Variants in DIAPH2 observed in about 807,000 individuals in gnomAD.
DIAPH2 encodes diaphanous related formin 2.
A neutral mutation model predicts 92.7 loss-of-function variants in DIAPH2; 35 were observed. The ratio of observed to expected loss-of-function variants is 0.38; its 90% CI spans 0.29 to 0.50. DIAPH2 has a LOEUF of 0.50. Ranked by LOEUF, DIAPH2 falls within the 20% of genes least tolerant of loss-of-function variation. DIAPH2 has a pLI of 0.94. For missense variants in DIAPH2, 701 were observed against 819.5 expected (o/e 0.86, Z 1.77); for synonymous variants, 301 against 280.4 (o/e 1.07, Z -0.73).
intron 23 of DIAPH2, among the ~76,000 whole-genome samples, chrX:97,306,579 C>T (rs11092147): frequency 0.42 from 46,086 of 110,670 alleles, 8,123 homozygotes; most frequent in Non-Finnish European, 0.56. Flanking sequence ...CCAATACTGC[C>T]AGGTATCCTG....
At chrX:96,737,088 CTTAAG>C (rs1189148917) in intron 2 of DIAPH2, among the ~76,000 whole-genome samples, 1 of 111,681 alleles carries the variant, frequency 9.0e-6, no homozygotes, top group East Asian at 2.8e-4. Context: ...AGAAATGAAT[CTTAAG>C]TTAATGTGAA....
intron 21 of DIAPH2, among the ~76,000 whole-genome samples, chrX:97,121,982 T>C (rs2067061634): frequency 8.9e-6 from 1 of 111,929 alleles, no homozygotes; most frequent in African/African-American, 3.2e-5. Context: ...TTATATAATT[T>C]GTCCAAGATT....
At chrX:97,081,254 TA>T (rs869119860) in intron 19 of DIAPH2, among the ~76,000 whole-genome samples, 1 of 111,715 alleles carries the variant, frequency 9.0e-6, no homozygotes, top group Non-Finnish European at 1.9e-5. Flanking sequence ...AATAGGTGAT[TA>T]AAAATTTTTT....
chrX:97,539,946 C>A (rs778304609), intron 26 of DIAPH2, among the ~76,000 whole-genome samples: 37 of 111,490 alleles, frequency 3.3e-4, no homozygotes, highest in Middle Eastern at 4.7e-3. Context: ...TGCATGTTTA[C>A]CCCATTATAG....
chrX:97,010,610 T>A (rs1169833046), intron 17 of DIAPH2, among the ~76,000 whole-genome samples: 1 of 111,815 alleles, frequency 8.9e-6, no homozygotes, highest in Non-Finnish European at 1.9e-5. Flanking sequence ...AATTAAGAAG[T>A]AGAAGAGAAG....
At chrX:96,884,994 C>G in intron 5 of DIAPH2, 2 of 1,210,054 alleles carry the variant, frequency 1.7e-6, no homozygotes, top group Admixed American at 4.4e-5. Flanking sequence ...CTCAGCTCTG[C>G]GACCTTAGCG....
chrX:96,901,693 C>T (rs1436511060), intron 5 of DIAPH2, among the ~76,000 whole-genome samples: 1 of 108,204 alleles, frequency 9.2e-6, no homozygotes, highest in African/African-American at 3.4e-5. Context: ...CACCACCATG[C>T]CCAACTAATT....
At chrX:97,392,048 G>A (rs1238461421) in intron 25 of DIAPH2, among the ~76,000 whole-genome samples, 1 of 111,861 alleles carries the variant, frequency 8.9e-6, no homozygotes, top group Non-Finnish European at 1.9e-5. Flanking sequence ...AAATATTAAA[G>A]AGACAGGCAT....
intron 23 of DIAPH2, among the ~76,000 whole-genome samples, chrX:97,287,163 G>C (rs2068549863): frequency 9.0e-6 from 1 of 111,242 alleles, no homozygotes; most frequent in African/African-American, 3.3e-5. Context: ...ACAAAAATTA[G>C]CTGGGTGTGG....
chrX:96,735,747 G>T lies in DIAPH2; in HGVS notation c.133-11G>T, dbSNP rs1163330236. On this transcript the variant is annotated splice_polypyrimidine_tract_variant and intron_variant, in intron 1 of 26. Transcript: ENST00000324765. ...GGGTTTTTTTTGTTTGTTTCTTTTT[G>T]GTTTTAATAGAACATTCAAATAAAA... 5.8e-6 allele frequency: 6 copies of T among 1,038,283 alleles called. No individual in the cohort carries two copies. The highest frequency in any genetic ancestry group is 7.8e-6 in the Non-Finnish European group (6 of 764,715). 85.6% of individuals were successfully genotyped at this position (1,038,283 alleles called of 1,213,427 possible).
intron 25 of DIAPH2, among the ~76,000 whole-genome samples, chrX:97,394,500 C>G (rs778390851): frequency 1.8e-4 from 20 of 111,222 alleles, no homozygotes; most frequent in Non-Finnish European, 3.8e-4. Flanking sequence ...TCTCTTTGTT[C>G]TCTAGATTTG....
chrX:96,790,768 C>T (rs1251421059), intron 4 of DIAPH2, among the ~76,000 whole-genome samples: 1 of 111,393 alleles, frequency 9.0e-6, no homozygotes, highest in African/African-American at 3.3e-5. Context: ...TGACAGCTAA[C>T]AGGAGAAGGA....
At chrX:97,063,217 G>A (rs12014545) in intron 17 of DIAPH2, among the ~76,000 whole-genome samples, 4 of 111,164 alleles carry the variant, frequency 3.6e-5, no homozygotes, top group Non-Finnish European at 7.5e-5. Flanking sequence ...GGAAAACAGG[G>A]ACAGTCTAAC....
chrX:97,415,919 G>A (rs1422518946), intron 25 of DIAPH2, among the ~76,000 whole-genome samples: 3 of 111,591 alleles, frequency 2.7e-5, no homozygotes, highest in Non-Finnish European at 5.7e-5. Context: ...TAGAAGCTTT[G>A]AAACTGAGAT....
Position 96,925,833 on chromosome X carries a change from A to T in DIAPH2, c.979-4900A>T, listed in dbSNP as rs762620971. Among the ~76,000 whole-genome samples the T allele has an allele frequency of 1.8e-4, 20 of 111,381 alleles. No individual in the cohort carries two copies. The East Asian group carries it at 5.4e-3, about 30-fold the overall frequency. On this transcript the variant is annotated intron_variant, in intron 9 of 26. Transcript: ENST00000324765. ...TCATATTGTGCTTTGTTTCCTATAG[A>T]TTTTATGCTGTTTTATACCTCTACC...
At chrX:96,946,913 A>G (rs917383705) in intron 14 of DIAPH2, among the ~76,000 whole-genome samples, 5 of 111,784 alleles carry the variant, frequency 4.5e-5, no homozygotes, top group Non-Finnish European at 7.5e-5. Flanking sequence ...ATGGTCTCCC[A>G]GTGGTTAGCT....
At chrX:96,829,863 A>G (rs1406268924) in intron 4 of DIAPH2, among the ~76,000 whole-genome samples, 2 of 108,690 alleles carry the variant, frequency 1.8e-5, no homozygotes, top group Admixed American at 1.0e-4. Flanking sequence ...TGACATACCA[A>G]TATAATTTCA....
intron 23 of DIAPH2, among the ~76,000 whole-genome samples, chrX:97,256,191 G>A (rs1028441174): frequency 1.2e-4 from 14 of 112,553 alleles, no homozygotes; most frequent in African/African-American, 3.9e-4. Flanking sequence ...ACACAAAAAA[G>A]AAGCTTGAAA....
chrX:97,435,472 G>C (rs1443255611), intron 26 of DIAPH2, among the ~76,000 whole-genome samples: 1 of 111,648 alleles, frequency 9.0e-6, no homozygotes, highest in Non-Finnish European at 1.9e-5. Context: ...ATAGGAGTTA[G>C]AGTAACCACT....
Sources: allele counts gnomAD v4.1 joint callset (sites outside exome capture counted in the v4.1 genomes callset), GRCh38; gene constraint gnomAD v4.1.1; transcripts MANE v1.5; gene names NCBI Gene and HGNC (gene_info 2026-07-23, HGNC 2026-07-21).